Variants in CFAP77 observed in about 807,000 individuals in gnomAD.
CFAP77 encodes the protein cilia- and flagella-associated protein 77.
A neutral mutation model predicts 31.1 loss-of-function variants in CFAP77; 25 were observed. The observed-to-expected ratio is 0.80, with a 90% CI of 0.59 to 1.12. CFAP77 has a LOEUF of 1.12. CFAP77 is among the 50% of genes most tolerant of loss of function. The probability of loss-of-function intolerance (pLI) is 0.00; values close to 1 mark genes in which losing one functional copy is unlikely to be tolerated. For synonymous variants in CFAP77, 151 were observed against 159.9 expected (o/e 0.94, Z 0.42); for missense variants, 377 against 397.3 (o/e 0.95, Z 0.44).
intron 1 of CFAP77, among the ~76,000 whole-genome samples, chr9:132,475,269 G>A (rs1851331330): frequency 1.3e-5 from 2 of 152,190 alleles, no homozygotes; most frequent in South Asian, 2.1e-4. Context: ...TCTGAAAAGG[G>A]CAGTTGGATT....
intron 1 of CFAP77, among the ~76,000 whole-genome samples, chr9:132,431,614 A>C (rs572725943): frequency 1.3e-5 from 2 of 152,356 alleles, no homozygotes; most frequent in South Asian, 4.1e-4. Context: ...CGACAGCAGA[A>C]TCTAGATAAC....
intron 1 of CFAP77, among the ~76,000 whole-genome samples, chr9:132,453,504 C>T (rs10429568): frequency 0.017 from 2,552 of 152,250 alleles, 69 homozygotes; most frequent in African/African-American, 0.058. Flanking sequence ...CCAGCCTGGG[C>T]GACAGAGCGA....
intron 1 of CFAP77, among the ~76,000 whole-genome samples, chr9:132,462,310 C>T (rs1589864801): frequency 6.6e-6 from 1 of 152,258 alleles, no homozygotes; most frequent in African/African-American, 2.4e-5. Flanking sequence ...CCTGCTCCTC[C>T]GTTTGTTTGC....
intron 3 of CFAP77, among the ~76,000 whole-genome samples, chr9:132,536,944 G>T (rs568203886): frequency 6.6e-6 from 1 of 152,250 alleles, no homozygotes; most frequent in African/African-American, 2.4e-5. Context: ...AATGCCTAGG[G>T]TAAGTGCTCC....
chr9:132,506,663 C>T (rs1481943990), intron 3 of CFAP77, among the ~76,000 whole-genome samples: 2 of 152,122 alleles, frequency 1.3e-5, no homozygotes, highest in African/African-American at 2.4e-5. Context: ...CCCTACTTTG[C>T]ACTAACAATG....
Position 132,517,607 on chromosome 9 carries a change from G to A in CFAP77, c.524+18007G>A, listed in dbSNP as rs1852170030. Among the ~76,000 whole-genome samples the A allele has an allele frequency of 6.6e-6, 1 of 152,200 alleles. No homozygotes were observed. Among genetic ancestry groups the A allele is most frequent in the Non-Finnish European group, 1.5e-5 (1 of 68,036 alleles). On this transcript the variant is annotated intron_variant, in intron 3 of 5. Coordinates refer to ENST00000393216, the MANE Select transcript of CFAP77 (RefSeq NM_001282957.2). This position sits in a 1 kb window ranked among gnomAD's most constrained non-coding sequence, Gnocchi z 4.7. Reference sequence around the variant, plus strand: ...TAAAGTCCCTCAGAAGGCTCCTCCAGCTTCCTCTCTTCCGCCAAGTTCTCC... The same window carrying A: ...TAAAGTCCCTCAGAAGGCTCCTCCAACTTCCTCTCTTCCGCCAAGTTCTCC...
intron 5 of CFAP77, among the ~76,000 whole-genome samples, chr9:132,566,183 G>A (rs566358523): frequency 2.6e-5 from 4 of 152,166 alleles, no homozygotes; most frequent in South Asian, 4.1e-4. Flanking sequence ...AGGGGGGAGC[G>A]TGCATGTGCG....
intron 3 of CFAP77, among the ~76,000 whole-genome samples, chr9:132,529,266 C>G (rs1235008769): frequency 2.5e-5 from 3 of 122,254 alleles, no homozygotes; most frequent in Non-Finnish European, 1.7e-5. Context: ...AACAAAAAAC[C>G]AAACACCGCA....
chr9:132,501,162 A>G lies in CFAP77; in HGVS notation c.524+1562A>G, dbSNP rs1006923855. 6.6e-6 allele frequency among the ~76,000 whole-genome samples: 1 copy of G among 152,232 alleles called. No individual in the cohort carries two copies. Among genetic ancestry groups the G allele is most frequent in the African/African-American group, 2.4e-5 (1 of 41,468 alleles). On this transcript the variant is annotated intron_variant, in intron 3 of 5. Transcript: ENST00000393216. The surrounding 1 kb of genome is among the most constrained non-coding windows in gnomAD (Gnocchi z 4.6). ...TCACATGATTGGAAAGTGCAGGGACAGCTTCAGGCATAGCAGGATCTAGGC... is the reference window on the plus strand; with the variant it reads ...TCACATGATTGGAAAGTGCAGGGACGGCTTCAGGCATAGCAGGATCTAGGC...
chr9:132,571,545 A>T (rs545746491), intron 5 of CFAP77, among the ~76,000 whole-genome samples: 18 of 152,148 alleles, frequency 1.2e-4, no homozygotes, highest in Non-Finnish European at 2.5e-4. Flanking sequence ...TATCCCCCAC[A>T]TCTGACACAG....
intron 5 of CFAP77, among the ~76,000 whole-genome samples, chr9:132,570,727 GGGT>G (rs2119115171): frequency 6.6e-6 from 1 of 152,282 alleles, no homozygotes; most frequent in East Asian, 1.9e-4. Flanking sequence ...TGATTTTTAT[GGGT>G]TTCTAACAAC....
chr9:132,436,298 G>A (rs1218256260), intron 1 of CFAP77, among the ~76,000 whole-genome samples: 1 of 152,076 alleles, frequency 6.6e-6, no homozygotes. Context: ...CTGTGGTCAC[G>A]TGGCCTCTCT....
In CFAP77 at chr9:132,511,612, A is replaced by C. The variant is rs1852040709; in HGVS notation, c.524+12012A>C. On this transcript the variant is annotated intron_variant, in intron 3 of 5. Coordinates refer to ENST00000393216, the MANE Select transcript of CFAP77 (RefSeq NM_001282957.2). The surrounding 1 kb of genome is among the most constrained non-coding windows in gnomAD (Gnocchi z 5.8). Reference sequence around the variant, plus strand: ...GGATTTTGGGAACAGGCACTATTCTAGTGCCAAGAGCACATGAGACGGCCA... The same window carrying C: ...GGATTTTGGGAACAGGCACTATTCTCGTGCCAAGAGCACATGAGACGGCCA... 6.6e-6 allele frequency among the ~76,000 whole-genome samples: 1 copy of C among 152,232 alleles called. No individual in the cohort carries two copies. The highest frequency in any genetic ancestry group is 1.5e-5 in the Non-Finnish European group (1 of 68,042).
At chr9:132,487,961 T>G (rs1255405109) in intron 1 of CFAP77, among the ~76,000 whole-genome samples, 2 of 152,232 alleles carry the variant, frequency 1.3e-5, no homozygotes, top group Non-Finnish European at 2.9e-5. Context: ...AATAATGAAC[T>G]ACCCCCCCAT....
chr9:132,537,474 C>T lies in CFAP77; in HGVS notation c.525-127C>T. The stretch of plus-strand genomic sequence containing the variant: ...TTTTGAGCGCTGGGAGAGAGGCTTT[C>T]ACAGAGGTGGGAGTGATGTACCCCA... On this transcript the variant is annotated intron_variant, in intron 3 of 5. Coordinates refer to ENST00000393216, the MANE Select transcript of CFAP77 (RefSeq NM_001282957.2). 6 of 647,034 alleles carry T rather than the reference C, an allele frequency of 9.3e-6. 1 individual carries two copies. Among genetic ancestry groups the T allele is most frequent in the Middle Eastern group, 4.5e-4 (1 of 2,210 alleles). 40.1% of individuals were successfully genotyped at this position (647,034 alleles called of 1,614,324 possible).
intron 3 of CFAP77, among the ~76,000 whole-genome samples, chr9:132,524,529 C>T (rs1274156588): frequency 1.3e-5 from 2 of 151,876 alleles, no homozygotes; most frequent in East Asian, 2.0e-4. Flanking sequence ...AGGAGAATCA[C>T]TTGAACCTGG....
chr9:132,508,542 A>C (rs377195913), intron 3 of CFAP77, among the ~76,000 whole-genome samples: 25 of 152,328 alleles, frequency 1.6e-4, no homozygotes, highest in East Asian at 1.5e-3. Context: ...GCAGAGACAC[A>C]GCAGCTGTCT....
chr9:132,550,519 C>CTTTTTTTTTT (rs766424349), intron 5 of CFAP77, among the ~76,000 whole-genome samples: 1 of 102,822 alleles, frequency 9.7e-6, no homozygotes, highest in African/African-American at 3.9e-5. Flanking sequence ...TCCCTTGAAG[C>CTTTTTTTTTT]TTTTTTTTTT....
At chr9:132,553,679 G>A (rs1307967933) in intron 5 of CFAP77, among the ~76,000 whole-genome samples, 1 of 152,118 alleles carries the variant, frequency 6.6e-6, no homozygotes, top group East Asian at 1.9e-4. Context: ...TGCACCCCAG[G>A]GCAGAGTTCT....
Sources: gnomAD v4.1 joint callset for allele counts (sites outside exome capture counted in the v4.1 genomes callset) on GRCh38, gnomAD v4.1.1 for gene constraint, Gnocchi (gnomAD v3.1) non-coding constraint, MANE v1.5 for transcripts, NCBI Gene and HGNC (gene_info 2026-07-23, HGNC 2026-07-21) for gene names.